LARP4: variants seen among roughly 807,000 people sequenced by gnomAD.
LARP4 encodes La ribonucleoprotein 4, also known as la-related protein 4.
LARP4 carries 29 observed loss-of-function variants against 92.9 expected under a neutral mutation model. That is an observed-to-expected ratio of 0.31 (90% CI 0.23 to 0.43). The LOEUF is 0.43. Among genes scored for constraint, LARP4 ranks in the 20% least tolerant of loss-of-function variants. LARP4 has a pLI of 1.00. For synonymous variants in LARP4, 279 were observed against 284.1 expected (o/e 0.98, Z 0.18); for missense variants, 732 against 860.0 (o/e 0.85, Z 1.86).
chr12:50,463,630 A>G (rs2138775885), intron 12 of LARP4, among the ~76,000 whole-genome samples: 1 of 152,076 alleles, frequency 6.6e-6, no homozygotes, highest in East Asian at 1.9e-4. Flanking sequence ...CATGTCCCAC[A>G]CCTAGGGTAC....
intron 8 of LARP4, 77 bp from the exon 9 acceptor site, chr12:50,453,383 A>G (rs1396561177): frequency 3.6e-6 from 3 of 830,336 alleles, no homozygotes; most frequent in Non-Finnish European, 5.8e-6. Flanking sequence ...TGTAAAATAT[A>G]TGTTAAAATG....
chr12:50,431,660 C>A (rs1156846996), intron 4 of LARP4, among the ~76,000 whole-genome samples: 1 of 151,990 alleles, frequency 6.6e-6, no homozygotes, highest in African/African-American at 2.4e-5. Flanking sequence ...GGCTTGCCAA[C>A]ATGGTGAAAC....
intron 1 of LARP4, among the ~76,000 whole-genome samples, chr12:50,426,684 G>GGGGGGGTGT (rs774548049): frequency 1.2e-5 from 1 of 86,176 alleles, no homozygotes; most frequent in African/African-American, 5.0e-5. Flanking sequence ...TTATGTTTGG[G>GGGGGGGTGT]GTGTGTGTGT....
At chr12:50,473,789 C>T (rs1231271905) in intron 14 of LARP4, among the ~76,000 whole-genome samples, 9 of 9,358 alleles carry the variant, frequency 9.6e-4, no homozygotes, top group Middle Eastern at 0.17. Flanking sequence ...TTGCTTGAAC[C>T]GGGGGGTGGG....
chr12:50,433,794 C>T (rs527341057), intron 4 of LARP4, among the ~76,000 whole-genome samples: 37 of 152,140 alleles, frequency 2.4e-4, no homozygotes, highest in African/African-American at 8.4e-4. Flanking sequence ...CACGCACAAC[C>T]GTGCCTGGCT....
intron 5 of LARP4, among the ~76,000 whole-genome samples, chr12:50,436,307 AC>A (rs1565609685): frequency 6.6e-6 from 1 of 150,860 alleles, no homozygotes; most frequent in African/African-American, 2.4e-5. Context: ...GTGAGCCACC[AC>A]CCCCGGCCTA....
intron 1 of LARP4, among the ~76,000 whole-genome samples, chr12:50,407,420 C>T (rs1263412413): frequency 6.6e-6 from 1 of 152,120 alleles, no homozygotes; most frequent in Non-Finnish European, 1.5e-5. Context: ...TGATTTAGGG[C>T]AAGTCAAACA....
intron 1 of LARP4, among the ~76,000 whole-genome samples, chr12:50,426,958 G>A (rs944638785): frequency 6.6e-6 from 1 of 151,762 alleles, no homozygotes; most frequent in Non-Finnish European, 1.5e-5. Context: ...GGCTGGTCTC[G>A]AACTCATGAG....
In LARP4 at chr12:50,401,031, G is replaced by C; in HGVS notation, c.18+3G>C. 1 of 1,614,136 alleles carries C rather than the reference G, an allele frequency of 6.2e-7. No individual in the cohort carries two copies. The highest frequency in any genetic ancestry group is 8.5e-7 in the Non-Finnish European group (1 of 1,180,016). On this transcript the variant is annotated splice_donor_region_variant and intron_variant, in intron 1 of 15. Coordinates refer to ENST00000398473, the MANE Select transcript of LARP4 (RefSeq NM_052879.5). The stretch of plus-strand genomic sequence containing the variant: ...ACGACATGTTGCTTTTCGTGGAGGT[G>C]AGTGCATTATGCTAGTCTCGTCCTG...
rs1391871055 is a variant in LARP4, at chr12:50,477,552, C to G, written c.*1688C>G. 3.3e-5 allele frequency: 5 copies of G among 152,472 alleles called. No homozygotes were observed. Among genetic ancestry groups the G allele is most frequent in the East Asian group, 3.8e-4 (2 of 5,202 alleles). The allele number at this position is 152,472 out of a possible 1,614,324, so 9.4% of individuals were successfully genotyped here. A position where few individuals can be genotyped will look rare whatever the true frequency, so the allele number is the denominator to read the frequency against. ...TTACTGTGAAATTCATCTTCCAACT[C>G]TAAGTTAAGCTTTGGAGATACATGT... On this transcript the variant is annotated 3_prime_UTR_variant, in exon 16 of 16. Transcript: ENST00000398473.
rs1312344430 is a variant in LARP4 at position 50,461,086 on chromosome 12, TTC to T, written c.1122-47_1122-46del. 6 of 1,504,402 alleles carry T rather than the reference TTC, an allele frequency of 4.0e-6. No individual in the cohort carries two copies. In the Admixed American group the frequency reaches 1.0e-4, roughly 26 times the overall value. The allele number at this position is 1,504,402 out of a possible 1,614,324, so 93.2% of individuals were successfully genotyped here. ...ATTTTTTACCTAAGGAAAGATGTTT[TTC>T]TGTCTCGATTTACTGCTTTGTGTAT... On this transcript the variant is annotated intron_variant, in intron 10 of 15. Transcript: ENST00000398473.
chr12:50,442,998 TATAAAG>T (rs1267747679), intron 8 of LARP4, among the ~76,000 whole-genome samples: 1 of 152,234 alleles, frequency 6.6e-6, no homozygotes, highest in Non-Finnish European at 1.5e-5. Flanking sequence ...TTGAGGCTTT[TATAAAG>T]ATATTCTCCT....
At chr12:50,458,885 A>T (rs1203568220) in intron 10 of LARP4, among the ~76,000 whole-genome samples, 1 of 152,230 alleles carries the variant, frequency 6.6e-6, no homozygotes, top group Non-Finnish European at 1.5e-5. Flanking sequence ...ACCTTAATTC[A>T]TGCAGTCATG....
At chr12:50,420,135 GA>G in intron 1 of LARP4, among the ~76,000 whole-genome samples, 1 of 151,942 alleles carries the variant, frequency 6.6e-6, no homozygotes, top group South Asian at 2.1e-4. Flanking sequence ...AGATGATCCA[GA>G]AACAAAAAAG....
At chr12:50,409,789 AATTATT>A (rs994279268) in intron 1 of LARP4, among the ~76,000 whole-genome samples, 6 of 150,332 alleles carry the variant, frequency 4.0e-5, no homozygotes, top group African/African-American at 1.5e-4. Context: ...AAAGAAAAAG[AATTATT>A]ATTATTATTA....
chr12:50,463,734 G>A (rs2138780289), intron 12 of LARP4, among the ~76,000 whole-genome samples: 1 of 152,332 alleles, frequency 6.6e-6, no homozygotes, highest in South Asian at 2.1e-4. Flanking sequence ...ATGGGCCCAT[G>A]TTGAATGCCT....
At chr12:50,443,421 C>T (rs1406472208) in intron 8 of LARP4, among the ~76,000 whole-genome samples, 1 of 151,976 alleles carries the variant, frequency 6.6e-6, no homozygotes, top group Non-Finnish European at 1.5e-5. Flanking sequence ...CAGGTGCACA[C>T]CATCATGCCT....
At chr12:50,423,784 T>G (rs1948263430) in intron 1 of LARP4, among the ~76,000 whole-genome samples, 2 of 149,924 alleles carry the variant, frequency 1.3e-5, no homozygotes. Context: ...GGAGTCTTGT[T>G]CTTGTCACCC....
intron 14 of LARP4, 87 bp from the exon 15 acceptor site, chr12:50,473,909 CAAA>C: frequency 1.0e-6 from 1 of 965,798 alleles, no homozygotes. Context: ...GACTCCGTCT[CAAA>C]AAAAAAAATT....
Sources: gnomAD v4.1 joint callset for allele counts (sites outside exome capture counted in the v4.1 genomes callset) on GRCh38, gnomAD v4.1.1 for gene constraint, MANE v1.5 for transcripts, NCBI Gene and HGNC (gene_info 2026-07-23, HGNC 2026-07-21) for gene names.